TYR: variants seen among roughly 807,000 people sequenced by gnomAD.
TYR encodes the protein LB24-AB.
In TYR, 58 loss-of-function variants were observed where a neutral mutation model predicts 51.5. The ratio of observed to expected loss-of-function variants is 1.13; its 90% CI spans 0.91 to 1.40. TYR has a LOEUF of 1.40. Among genes scored for constraint, TYR ranks in the 40% most tolerant of loss-of-function variants. The pLI is 0.00. For synonymous variants in TYR, 263 were observed against 235.2 expected, an observed-to-expected ratio of 1.12 and a Z score of -1.08; for missense variants, 732 against 647.4, an observed-to-expected ratio of 1.13 and a Z score of -1.42.
intron 1 of TYR, among the ~76,000 whole-genome samples, chr11:89,185,633 C>T (rs1303703965): frequency 6.6e-6 from 1 of 151,980 alleles, no homozygotes; most frequent in Non-Finnish European, 1.5e-5. Context: ...ATGTTATCTC[C>T]CTAGTGGCCC....
chr11:89,286,329 G>A (rs1222173652), intron 4 of TYR, among the ~76,000 whole-genome samples: 1 of 151,840 alleles, frequency 6.6e-6, no homozygotes, highest in Non-Finnish European at 1.5e-5. Context: ...TGAGTAGTAT[G>A]AACAGTGGAA....
chr11:89,247,112 A>G (rs1944276693), intron 3 of TYR, among the ~76,000 whole-genome samples: 1 of 152,068 alleles, frequency 6.6e-6, no homozygotes, highest in East Asian at 1.9e-4. Flanking sequence ...TTATAGTCAT[A>G]TTTGTCTATA....
chr11:89,289,328 G>A (rs926935476), intron 4 of TYR, among the ~76,000 whole-genome samples: 3 of 151,984 alleles, frequency 2.0e-5, no homozygotes, highest in South Asian at 2.1e-4. Flanking sequence ...TCATGAATTT[G>A]TTCAATAGCT....
At chr11:89,276,530 T>G (rs1410392798) in intron 3 of TYR, among the ~76,000 whole-genome samples, 1 of 151,758 alleles carries the variant, frequency 6.6e-6, no homozygotes, top group African/African-American at 2.4e-5. Context: ...TGATTTCACA[T>G]TATCTCCTTC....
intron 3 of TYR, among the ~76,000 whole-genome samples, chr11:89,247,565 A>C (rs1382368233): frequency 6.6e-6 from 1 of 152,194 alleles, no homozygotes; most frequent in Non-Finnish European, 1.5e-5. Flanking sequence ...AAATATTGAT[A>C]ACTTAAAAAG....
intron 2 of TYR, among the ~76,000 whole-genome samples, chr11:89,214,615 G>A (rs1943808971): frequency 6.6e-6 from 1 of 152,106 alleles, no homozygotes; most frequent in Non-Finnish European, 1.5e-5. Context: ...CAATAGCAAA[G>A]ACTTGGAACC....
chr11:89,260,076 G>A (rs1404920100), intron 3 of TYR, among the ~76,000 whole-genome samples: 1 of 151,928 alleles, frequency 6.6e-6, no homozygotes. Flanking sequence ...TGGTTAAAAA[G>A]AGATTGTATA....
At chr11:89,235,051 A>G (rs1944093416) in intron 3 of TYR, among the ~76,000 whole-genome samples, 1 of 152,144 alleles carries the variant, frequency 6.6e-6, no homozygotes, top group South Asian at 2.1e-4. Context: ...ATATTTCCAA[A>G]CATAAATAGC....
intron 3 of TYR, among the ~76,000 whole-genome samples, chr11:89,238,188 A>G (rs1164419600): frequency 1.3e-5 from 2 of 152,142 alleles, no homozygotes; most frequent in African/African-American, 4.8e-5. Flanking sequence ...GTATCTCCTT[A>G]AATTCCTTTC....
At chr11:89,227,679 G>C (rs1327569578) in intron 2 of TYR, 144 bp from the exon 3 acceptor site, 17 of 730,700 alleles carry the variant, frequency 2.3e-5, no homozygotes, top group Admixed American at 2.2e-4. Flanking sequence ...AGAATGTAAA[G>C]AGTCTCAATA....
At chr11:89,213,769 G>C (rs958508797) in intron 2 of TYR, among the ~76,000 whole-genome samples, 2 of 152,024 alleles carry the variant, frequency 1.3e-5, no homozygotes, top group Admixed American at 6.6e-5. Context: ...ACAGAACAGA[G>C]GCCTCAGAAA....
intron 2 of TYR, among the ~76,000 whole-genome samples, chr11:89,210,666 C>T (rs923076477): frequency 6.6e-6 from 1 of 152,122 alleles, no homozygotes; most frequent in African/African-American, 2.4e-5. Context: ...ACATAATTGT[C>T]AGATTCACCA....
intron 2 of TYR, among the ~76,000 whole-genome samples, chr11:89,201,510 T>C (rs549334995): frequency 1.3e-5 from 2 of 152,330 alleles, no homozygotes; most frequent in South Asian, 2.1e-4. Flanking sequence ...TAAAAAAAGA[T>C]AGTTTAAAAA....
At chr11:89,220,408 C>G (rs1943893957) in intron 2 of TYR, among the ~76,000 whole-genome samples, 1 of 152,086 alleles carries the variant, frequency 6.6e-6, no homozygotes, top group East Asian at 1.9e-4. Context: ...GAGAAATTTG[C>G]CCCATGATCA....
intron 2 of TYR, among the ~76,000 whole-genome samples, chr11:89,196,800 C>A (rs1176320697): frequency 6.6e-6 from 1 of 152,150 alleles, no homozygotes; most frequent in African/African-American, 2.4e-5. Flanking sequence ...AAGGGAAAAC[C>A]TACCCCACAA....
intron 1 of TYR, among the ~76,000 whole-genome samples, chr11:89,179,593 T>C (rs1452785293): frequency 6.6e-6 from 1 of 152,222 alleles, no homozygotes; most frequent in Non-Finnish European, 1.5e-5. Flanking sequence ...TCCAGCTGTA[T>C]GACCACTGTA....
At chr11:89,230,189 T>C (rs76374441) in intron 3 of TYR, among the ~76,000 whole-genome samples, 2,190 of 152,216 alleles carry the variant, frequency 0.014, 52 homozygotes, top group African/African-American at 0.051. Flanking sequence ...AGAAGATTTA[T>C]TGTTCATTGA....
chr11:89,208,160 C>T (rs560943294), intron 2 of TYR, among the ~76,000 whole-genome samples: 1 of 152,268 alleles, frequency 6.6e-6, no homozygotes, highest in East Asian at 1.9e-4. Context: ...GTACTAGCTA[C>T]TCGGGAGGCT....
chr11:89,239,938 C>T (rs184941236), intron 3 of TYR, among the ~76,000 whole-genome samples: 225 of 152,258 alleles, frequency 1.5e-3, no homozygotes, highest in Non-Finnish European at 2.1e-3. Flanking sequence ...TTTGTTAAGA[C>T]TTGTTTTGTG....
Sources: allele counts gnomAD v4.1 joint callset (sites outside exome capture counted in the v4.1 genomes callset), GRCh38; gene constraint gnomAD v4.1.1; transcripts MANE v1.5; gene names NCBI Gene and HGNC (gene_info 2026-07-23, HGNC 2026-07-21).